Variants in SEPTIN9 observed in about 807,000 individuals in gnomAD.
SEPTIN9 encodes the protein septin 9.
A neutral mutation model predicts 56.6 loss-of-function variants in SEPTIN9; 13 were observed. That is an observed-to-expected ratio of 0.23 (90% CI 0.15 to 0.37). The LOEUF is 0.37. Among genes scored for constraint, SEPTIN9 ranks in the 10% least tolerant of loss-of-function variants. The pLI, the probability that SEPTIN9 is intolerant of heterozygous loss-of-function variation, is 1.00. For synonymous variants in SEPTIN9, 332 were observed against 334.1 expected (o/e 0.99, Z 0.07); for missense variants, 650 against 823.1 (o/e 0.79, Z 2.57).
rs900518002 is a variant in SEPTIN9 at position 77,405,451 on chromosome 17, T to C, written c.721+2748T>C. The stretch of plus-strand genomic sequence containing the variant: ...TCTGGGGGGACGGTGGCTTTCTCCA[T>C]GGAATAGGATGTACACGTTGGAGCC... On this transcript the variant is annotated intron_variant, in intron 3 of 11. Coordinates refer to ENST00000427177, the MANE Select transcript of SEPTIN9 (RefSeq NM_001113491.2). The surrounding 1 kb of genome is among the most constrained non-coding windows in gnomAD (Gnocchi z 5.8). Among the ~76,000 whole-genome samples, 1 of 152,076 alleles carries C rather than the reference T, an allele frequency of 6.6e-6. No individual in the cohort carries two copies. The highest frequency in any genetic ancestry group is 1.5e-5 in the Non-Finnish European group (1 of 68,012).
chr17:77,376,266 A>G (rs1217732411), intron 2 of SEPTIN9: 3 of 985,878 alleles, frequency 3.0e-6, no homozygotes, highest in African/African-American at 3.5e-5. Flanking sequence ...GCGGAGGGCC[A>G]GGCATGCCCG....
chr17:77,427,158 G>A (rs993669107), intron 3 of SEPTIN9: 25 of 152,450 alleles, frequency 1.6e-4, no homozygotes, highest in South Asian at 2.1e-4. Context: ...ATGTGGGGCC[G>A]CCTGTGCAGA....
At chr17:77,493,783 T>G (rs1353611803) in intron 10 of SEPTIN9, among the ~76,000 whole-genome samples, 1 of 149,412 alleles carries the variant, frequency 6.7e-6, no homozygotes, top group African/African-American at 2.5e-5. Context: ...TTTTTTTTTT[T>G]TTTGTTTGAG....
Position 77,500,360 on chromosome 17 carries a change from A to G in SEPTIN9, c.*1702A>G. Reference sequence around the variant, plus strand: ...AGGGCCCAGGCCATGTGGCCTGCCCAGCCTCAATGTCACTTGGTGGCGGGG... The same window carrying G: ...AGGGCCCAGGCCATGTGGCCTGCCCGGCCTCAATGTCACTTGGTGGCGGGG... On this transcript the variant is annotated 3_prime_UTR_variant, in exon 12 of 12. Transcript: ENST00000427177. The G allele has an allele frequency of 6.6e-6, 1 of 152,092 alleles. No individual in the cohort carries two copies. The highest frequency in any genetic ancestry group is 1.4e-5 in the Non-Finnish European group (1 of 70,062). 9.4% of individuals were successfully genotyped at this position (152,092 alleles called of 1,614,324 possible). A position where few individuals can be genotyped will look rare whatever the true frequency, so the allele number is the denominator to read the frequency against.
At chr17:77,331,986 T>A (rs1674803046) in intron 2 of SEPTIN9, among the ~76,000 whole-genome samples, 1 of 152,190 alleles carries the variant, frequency 6.6e-6, no homozygotes, top group African/African-American at 2.4e-5. Flanking sequence ...ATAGAAAAGA[T>A]GAAAGAGGGC....
At chr17:77,338,291 A>T (rs903954169) in intron 2 of SEPTIN9, among the ~76,000 whole-genome samples, 30 of 152,142 alleles carry the variant, frequency 2.0e-4, no homozygotes, top group Admixed American at 3.3e-4. Flanking sequence ...GCTAATAATC[A>T]TCTGAGCCTT....
intron 3 of SEPTIN9, chr17:77,446,100 C>A: frequency 6.0e-6 from 1 of 167,396 alleles, no homozygotes; most frequent in Non-Finnish European, 1.5e-5. Context: ...GCTACATTCG[C>A]TTCCTGTTGC....
At chr17:77,309,926 G>A (rs557028760) in intron 2 of SEPTIN9, among the ~76,000 whole-genome samples, 9 of 151,880 alleles carry the variant, frequency 5.9e-5, no homozygotes, top group African/African-American at 1.9e-4. Flanking sequence ...TTGGGATCTG[G>A]CCCCGGGCAG....
intron 1 of SEPTIN9, among the ~76,000 whole-genome samples, chr17:77,287,390 G>A (rs1004193149): frequency 6.6e-6 from 1 of 152,238 alleles, no homozygotes; most frequent in Non-Finnish European, 1.5e-5. Context: ...CTGCTCTACT[G>A]GAGCGGCCCT....
At chr17:77,343,357 A>G (rs1324482349) in intron 2 of SEPTIN9, among the ~76,000 whole-genome samples, 1 of 152,202 alleles carries the variant, frequency 6.6e-6, no homozygotes, top group African/African-American at 2.4e-5. Context: ...GTAGAGTTTC[A>G]GGTTGTTGAA....
intron 3 of SEPTIN9, among the ~76,000 whole-genome samples, chr17:77,408,509 G>A (rs1452959217): frequency 6.6e-6 from 1 of 152,232 alleles, no homozygotes; most frequent in Non-Finnish European, 1.5e-5. Flanking sequence ...CGGGCCGTGT[G>A]TTCCAGGGGC....
chr17:77,332,613 C>T (rs1008264896), intron 2 of SEPTIN9, among the ~76,000 whole-genome samples: 2 of 152,198 alleles, frequency 1.3e-5, no homozygotes, highest in Admixed American at 6.5e-5. Context: ...AAGGTATCCA[C>T]GTGTATCCCA....
At chr17:77,438,420 C>A (rs146012461) in intron 3 of SEPTIN9, among the ~76,000 whole-genome samples, 35 of 152,346 alleles carry the variant, frequency 2.3e-4, no homozygotes, top group Admixed American at 5.2e-4. Flanking sequence ...TTGAGCACAT[C>A]CTAATCCCCA....
chr17:77,325,484 C>A (rs2033099208), intron 2 of SEPTIN9, among the ~76,000 whole-genome samples: 1 of 152,248 alleles, frequency 6.6e-6, no homozygotes. Flanking sequence ...GTCTCAGCTC[C>A]TGCCCAGGAC....
chr17:77,484,715 G>A (rs2039628818), intron 4 of SEPTIN9, among the ~76,000 whole-genome samples: 2 of 106,846 alleles, frequency 1.9e-5, no homozygotes, highest in Admixed American at 8.6e-5. Context: ...GGTGATGTGG[G>A]TGGTGGTGGT....
intron 2 of SEPTIN9, among the ~76,000 whole-genome samples, chr17:77,324,619 G>A (rs1392212410): frequency 6.6e-6 from 1 of 152,126 alleles, no homozygotes; most frequent in Non-Finnish European, 1.5e-5. Context: ...ATCTTTTCGT[G>A]TTTATTGCTC....
rs1183356954 is a variant in SEPTIN9, at chr17:77,371,802, A to G, written c.77-30257A>G. Reference sequence around the variant, plus strand: ...CTGTGGTTTTGCAGTTCCCATGTCCACAAACTCACTTGGTTGAAAATAGTT... The same window carrying G: ...CTGTGGTTTTGCAGTTCCCATGTCCGCAAACTCACTTGGTTGAAAATAGTT... On this transcript the variant is annotated intron_variant, in intron 2 of 11. Transcript: ENST00000427177. The surrounding 1 kb of genome is among the most constrained non-coding windows in gnomAD (Gnocchi z 4.1). 6.6e-6 allele frequency among the ~76,000 whole-genome samples: 1 copy of G among 152,216 alleles called. No homozygotes were observed. The highest frequency in any genetic ancestry group is 1.5e-5 in the Non-Finnish European group (1 of 68,034).
rs1235513821 is a variant in SEPTIN9 at position 77,484,907 on chromosome 17, GTGA to G, written c.914-2511_914-2509del. ...GATTGTGATGGTGGTGGTGGTGATGGTGATGATGGTGGTGATTGTGATGGTGGT... is the reference window on the plus strand; with the variant it reads ...GATTGTGATGGTGGTGGTGGTGATGGTGATGGTGGTGATTGTGATGGTGGT... On this transcript the variant is annotated intron_variant, in intron 4 of 11. Transcript: ENST00000427177. Among the ~76,000 whole-genome samples the G allele has an allele frequency of 1.1e-3, 24 of 21,562 alleles. 3 individuals are homozygous for G. The highest frequency in any genetic ancestry group is 2.6e-3 in the African/African-American group (5 of 1,952). 14.1% of individuals were successfully genotyped at this position (21,562 alleles called of 152,430 possible).
intron 1 of SEPTIN9, among the ~76,000 whole-genome samples, chr17:77,299,150 T>C (rs1402980586): frequency 6.6e-6 from 1 of 152,216 alleles, no homozygotes; most frequent in East Asian, 1.9e-4. Context: ...CACGGCTCAG[T>C]GCTAACACTC....
Sources: gnomAD v4.1 joint callset for allele counts (sites outside exome capture counted in the v4.1 genomes callset) on GRCh38, gnomAD v4.1.1 for gene constraint, Gnocchi (gnomAD v3.1) non-coding constraint, MANE v1.5 for transcripts, NCBI Gene and HGNC (gene_info 2026-07-23, HGNC 2026-07-21) for gene names.